ENOX1: variants seen among roughly 807,000 people sequenced by gnomAD.
ENOX1 encodes the protein ecto-NOX disulfide-thiol exchanger 1, also known as candidate growth-related and time keeping constitutive hydroquinone (NADH) oxidase.
A neutral mutation model predicts 82.5 loss-of-function variants in ENOX1; 42 were observed. The observed-to-expected ratio is 0.51, with a 90% CI of 0.40 to 0.66. ENOX1 has a LOEUF of 0.66. Ranked by LOEUF, ENOX1 falls within the 30% of genes least tolerant of loss-of-function variation. The pLI, the probability that ENOX1 is intolerant of heterozygous loss-of-function variation, is 0.00. For missense variants in ENOX1, 608 were observed against 811.6 expected (o/e 0.75, Z 3.05); for synonymous variants, 271 against 282.2 (o/e 0.96, Z 0.40).
intron 2 of ENOX1, among the ~76,000 whole-genome samples, chr13:43,646,185 C>G (rs2083886704): frequency 6.6e-6 from 1 of 152,236 alleles, no homozygotes; most frequent in East Asian, 1.9e-4. Flanking sequence ...GCCCATGCTG[C>G]CTGCTGTGCA....
chr13:43,587,464 T>C (rs1174519753), intron 2 of ENOX1, among the ~76,000 whole-genome samples: 1 of 152,166 alleles, frequency 6.6e-6, no homozygotes, highest in African/African-American at 2.4e-5. Context: ...GTTAATGCAA[T>C]CCCAGATCAT....
At chr13:43,416,498 G>GGGGCAGCCGGGCAGAGGCGCTCCCC (rs2054581040) in intron 3 of ENOX1, among the ~76,000 whole-genome samples, 1 of 129,146 alleles carries the variant, frequency 7.7e-6, no homozygotes, top group Admixed American at 7.7e-5. Flanking sequence ...CTTCCCAGAT[G>GGGGCAGCCGGGCAGAGGCGCTCCCC]ATGGGTGGCC....
intron 2 of ENOX1, among the ~76,000 whole-genome samples, chr13:43,585,517 C>G (rs915086305): frequency 6.6e-6 from 1 of 152,210 alleles, no homozygotes; most frequent in Non-Finnish European, 1.5e-5. Context: ...AGTTAACCAC[C>G]CTGCCACTTG....
At chr13:43,540,527 T>C (rs2078660403) in intron 2 of ENOX1, among the ~76,000 whole-genome samples, 1 of 152,146 alleles carries the variant, frequency 6.6e-6, no homozygotes, top group Admixed American at 6.5e-5. Context: ...CTCATGACCT[T>C]TGGCATAGAA....
chr13:43,585,471 A>T (rs2080934486), intron 2 of ENOX1, among the ~76,000 whole-genome samples: 1 of 152,366 alleles, frequency 6.6e-6, no homozygotes, highest in East Asian at 1.9e-4. Context: ...GGTCTATAGC[A>T]CCACCTCAAA....
intron 12 of ENOX1, among the ~76,000 whole-genome samples, chr13:43,296,977 C>T (rs571001879): frequency 2.0e-5 from 3 of 152,294 alleles, no homozygotes; most frequent in South Asian, 4.2e-4. Flanking sequence ...AGAAGTCTCA[C>T]ACAGCAGCTG....
At chr13:43,445,115 T>C (rs2056556602) in intron 3 of ENOX1, among the ~76,000 whole-genome samples, 1 of 145,798 alleles carries the variant, frequency 6.9e-6, no homozygotes, top group South Asian at 2.2e-4. Flanking sequence ...AAATGTTTCC[T>C]TCTTTCTGGG....
intron 14 of ENOX1, among the ~76,000 whole-genome samples, chr13:43,253,830 G>A (rs940481393): frequency 1.3e-5 from 2 of 152,000 alleles, no homozygotes; most frequent in African/African-American, 2.4e-5. Flanking sequence ...TTGGGCTCCC[G>A]ACTCTTTCCA....
At chr13:43,438,320 A>G (rs1566218974) in intron 3 of ENOX1, among the ~76,000 whole-genome samples, 1 of 152,192 alleles carries the variant, frequency 6.6e-6, no homozygotes, top group Non-Finnish European at 1.5e-5. Context: ...GGGAGACCAG[A>G]CAAGATGAGG....
chr13:43,368,638 C>T (rs2051010189), intron 5 of ENOX1, among the ~76,000 whole-genome samples: 3 of 152,188 alleles, frequency 2.0e-5, no homozygotes, highest in African/African-American at 4.8e-5. Context: ...TCCATGTTTT[C>T]TGGACCTGCT....
intron 1 of ENOX1, among the ~76,000 whole-genome samples, chr13:43,712,774 A>G (rs1266522135): frequency 6.6e-6 from 1 of 152,164 alleles, no homozygotes; most frequent in Admixed American, 6.5e-5. Context: ...GTATCCTGAG[A>G]TTTGCTGAAG....
intron 2 of ENOX1, among the ~76,000 whole-genome samples, chr13:43,572,576 A>G (rs7989785): frequency 0.97 from 148,044 of 152,336 alleles, 72,078 homozygotes; most frequent in East Asian, 1. Flanking sequence ...CCAAAGTGGA[A>G]AAAGCAATTT....
chr13:43,216,327 A>C (rs1179046176), intron 16 of ENOX1, among the ~76,000 whole-genome samples: 2 of 152,240 alleles, frequency 1.3e-5, no homozygotes, highest in Non-Finnish European at 2.9e-5. Flanking sequence ...TAGAAGTCAT[A>C]TCTCTCAGGG....
intron 3 of ENOX1, among the ~76,000 whole-genome samples, chr13:43,439,749 T>C (rs1036878661): frequency 1.3e-5 from 2 of 152,240 alleles, no homozygotes; most frequent in African/African-American, 2.4e-5. Context: ...TGATGTTCTA[T>C]GAAAGCAAGC....
chr13:43,549,487 T>G (rs560413722), intron 2 of ENOX1, among the ~76,000 whole-genome samples: 49 of 152,350 alleles, frequency 3.2e-4, no homozygotes, highest in Admixed American at 2.0e-3. Flanking sequence ...CATCTCTAAC[T>G]TCATTTATAT....
intron 2 of ENOX1, among the ~76,000 whole-genome samples, chr13:43,627,573 C>G (rs2083020449): frequency 6.6e-6 from 1 of 151,870 alleles, no homozygotes; most frequent in South Asian, 2.1e-4. Flanking sequence ...TAAATATTTC[C>G]TCTGCATTTA....
At chr13:43,424,209 T>C (rs2055152688) in intron 3 of ENOX1, among the ~76,000 whole-genome samples, 1 of 152,252 alleles carries the variant, frequency 6.6e-6, no homozygotes, top group African/African-American at 2.4e-5. Flanking sequence ...GTAAACATTA[T>C]TGTCTTCTTA....
intron 3 of ENOX1, among the ~76,000 whole-genome samples, chr13:43,461,450 A>G (rs1160979488): frequency 6.6e-6 from 1 of 152,146 alleles, no homozygotes; most frequent in Non-Finnish European, 1.5e-5. Flanking sequence ...CTATTGATAT[A>G]TATATTTTTT....
intron 5 of ENOX1, among the ~76,000 whole-genome samples, chr13:43,409,306 A>C (rs1359518377): frequency 6.6e-6 from 1 of 152,222 alleles, no homozygotes; most frequent in Non-Finnish European, 1.5e-5. Context: ...CTTTTGATGT[A>C]CTAGTTCCAC....
Sources: gnomAD v4.1 joint callset for allele counts (sites outside exome capture counted in the v4.1 genomes callset) on GRCh38, gnomAD v4.1.1 for gene constraint, MANE v1.5 for transcripts, NCBI Gene and HGNC (gene_info 2026-07-23, HGNC 2026-07-21) for gene names.